Variants in RGS12 observed in about 807,000 individuals in gnomAD.
The protein encoded by RGS12 is regulator of G-protein signaling 12.
A neutral mutation model predicts 120.1 loss-of-function variants in RGS12; 66 were observed. That is an observed-to-expected ratio of 0.55 (90% confidence interval 0.45 to 0.67). The LOEUF is 0.67. RGS12 is among the 30% of genes least tolerant of loss of function. The pLI is 0.00. For missense variants in RGS12, 1,859 were observed against 1,957.7 expected, an observed-to-expected ratio of 0.95 and a Z score of 0.95; for synonymous variants, 827 against 804.7, an observed-to-expected ratio of 1.03 and a Z score of -0.47.
Position 3,422,401 on chromosome 4 carries a change from C to A in RGS12, c.2864C>A (p.Pro955His). Residue 955 changes from proline to histidine, a missense_variant, in exon 11 of 18, where the codon CCC becomes CAC. Around this residue, in one of 3 missense-constraint regions of RGS12, gnomAD observed 375 missense variants for 475.0 expected, o/e 0.79. Transcript: ENST00000336727. The stretch of plus-strand genomic sequence containing the variant: ...TCGGAGGCCTGCAGGACTTTGGCAC[C>A]CGAGAAGGACAAGGCCACCAAGCAC... The part of the protein sequence containing the change: ...DLSEACRTLA[P>H]EKDKATKHCC... The A allele has an allele frequency of 6.2e-7, 1 of 1,612,446 alleles. No homozygotes were observed. Among genetic ancestry groups the A allele is most frequent in the Non-Finnish European group, 8.5e-7 (1 of 1,179,658 alleles).
chr4:3,290,771 G>A (rs1322890388), upstream of RGS12, among the ~76,000 whole-genome samples: 1 of 152,176 alleles, frequency 6.6e-6, no homozygotes, highest in Non-Finnish European at 1.5e-5. Flanking sequence ...AAGCCTACAG[G>A]AGGAGAACCA....
At chr4:3,387,804 C>T (rs1719010150) in intron 4 of RGS12, among the ~76,000 whole-genome samples, 2 of 152,176 alleles carry the variant, frequency 1.3e-5, no homozygotes, top group African/African-American at 4.8e-5. Flanking sequence ...TTCTTGCAGG[C>T]AATTTATACA....
chr4:3,293,315 CGGGGCG>C lies in RGS12; in HGVS notation c.-102+231_-102+236del, dbSNP rs1162053907. 2.4e-3 allele frequency among the ~76,000 whole-genome samples: 333 copies of C among 136,414 alleles called. 1 individual carries two copies. Among genetic ancestry groups the C allele is most frequent in the African/African-American group, 5.8e-3 (212 of 36,268 alleles). The allele number at this position is 136,414 out of a possible 152,430, so 89.5% of individuals were successfully genotyped here. On this transcript the variant is annotated intron_variant, in intron 1 of 17. Coordinates refer to ENST00000336727, the MANE Select transcript of RGS12 (RefSeq NM_001394154.1). ...GTCCCGGGCCCGGCGCGGGGCGGGG[CGGGGCG>C]GGGGCGGGGGCGGGCGGCGCGGGGC...
chr4:3,309,361 G>C (rs11935433), intron 1 of RGS12, among the ~76,000 whole-genome samples: 1,926 of 136,702 alleles, frequency 0.014, 4 homozygotes, highest in African/African-American at 0.053. Flanking sequence ...GCAGGTGTCC[G>C]CTGAGGGGAA....
chr4:3,305,499 G>T (rs1322377865), intron 1 of RGS12, among the ~76,000 whole-genome samples: 1 of 152,222 alleles, frequency 6.6e-6, no homozygotes, highest in Non-Finnish European at 1.5e-5. Flanking sequence ...AGCTCCTGGG[G>T]TGCACGGTAC....
At chr4:3,324,156 T>G (rs1725399733) in intron 2 of RGS12, 1 of 152,838 alleles carries the variant, frequency 6.5e-6, no homozygotes, top group Non-Finnish European at 1.5e-5. Context: ...TTAACCTGTG[T>G]GAAGGCGACA....
chr4:3,371,816 G>A (rs1432319544), intron 3 of RGS12, among the ~76,000 whole-genome samples: 1 of 152,204 alleles, frequency 6.6e-6, no homozygotes, highest in Admixed American at 6.5e-5. Context: ...GGAATGCTGG[G>A]GTGCCGCCGT....
intron 4 of RGS12, among the ~76,000 whole-genome samples, chr4:3,395,722 G>A (rs1420946059): frequency 6.6e-6 from 1 of 152,002 alleles, no homozygotes; most frequent in Non-Finnish European, 1.5e-5. Context: ...ATCTTATTTT[G>A]TGAAGTGCTT....
intron 15 of RGS12, 152 bp downstream of exon 15, chr4:3,428,321 GC>G: frequency 2.4e-6 from 2 of 844,702 alleles, no homozygotes; most frequent in Non-Finnish European, 2.0e-6. Flanking sequence ...CCCTGCCGAT[GC>G]CCAGCTCCCT....
chr4:3,296,482 G>A (rs1420248452), intron 1 of RGS12, among the ~76,000 whole-genome samples: 5 of 152,030 alleles, frequency 3.3e-5, no homozygotes, highest in Non-Finnish European at 1.5e-5. Context: ...GAGCCACCGC[G>A]CCTAGCTTCT....
At chr4:3,303,776 C>T (rs542754959) in intron 1 of RGS12, among the ~76,000 whole-genome samples, 2 of 152,368 alleles carry the variant, frequency 1.3e-5, no homozygotes, top group African/African-American at 2.4e-5. Context: ...ACAACTATTT[C>T]TTCAACTTTA....
chr4:3,429,942 G>A (rs1377475984), intron 16 of RGS12, among the ~76,000 whole-genome samples: 2 of 152,108 alleles, frequency 1.3e-5, no homozygotes, highest in African/African-American at 2.4e-5. Context: ...ACCCCTCCTC[G>A]GGTTCATTCT....
At chr4:3,294,105 G>C (rs1253446212) in intron 1 of RGS12, among the ~76,000 whole-genome samples, 3 of 152,256 alleles carry the variant, frequency 2.0e-5, no homozygotes, top group African/African-American at 7.2e-5. Context: ...CTCTGTGCCT[G>C]AGTTTCCTCA....
rs986007365 is a variant in RGS12, at chr4:3,343,041, T to A, written c.1986T>A (p.Leu662=). 1 of 1,603,930 alleles carries A rather than the reference T, an allele frequency of 6.2e-7. No homozygotes were observed. The highest frequency in any genetic ancestry group is 1.7e-5 in the Admixed American group (1 of 59,878). The change falls in exon 3 of 18, where the codon CTT becomes CTA. Residue 662 remains leucine, a synonymous_variant. Coordinates refer to ENST00000336727, the MANE Select transcript of RGS12 (RefSeq NM_001394154.1). Reference sequence around the variant, plus strand: ...AGAGATTCAGTATCACTCGCTCCCTTGATGATCTTGAGGTAATTTAATTTT... The same window carrying A: ...AGAGATTCAGTATCACTCGCTCCCTAGATGATCTTGAGGTAATTTAATTTT... ...RSKRFSITRS[L]DDLESATVSD...
chr4:3,343,648 G>T (rs929843121), intron 3 of RGS12, among the ~76,000 whole-genome samples: 1 of 151,980 alleles, frequency 6.6e-6, no homozygotes, highest in East Asian at 1.9e-4. Flanking sequence ...GTTCCTGCCC[G>T]TGCTGTCCTC....
chr4:3,311,877 G>A (rs1259865203), intron 1 of RGS12, among the ~76,000 whole-genome samples: 1 of 152,240 alleles, frequency 6.6e-6, no homozygotes, highest in African/African-American at 2.4e-5. Flanking sequence ...CCTGATGGGA[G>A]GTGGCAGTGC....
Position 3,386,438 on chromosome 4 carries a change from G to C in RGS12, c.2020+1G>C. 1 of 1,609,568 alleles carries C rather than the reference G, an allele frequency of 6.2e-7. No homozygotes were observed. Among genetic ancestry groups the C allele is most frequent in the Non-Finnish European group, 8.5e-7 (1 of 1,176,050 alleles). On this transcript the variant is annotated splice_donor_variant, in intron 4 of 17. Coordinates refer to ENST00000336727, the MANE Select transcript of RGS12 (RefSeq NM_001394154.1). LOFTEE classifies it high-confidence loss of function. ...CAGTCTGCAACTGTGTCTGATGGCG[G>C]TAAGTCACAATTTCTGATGTATATA... is the stretch of plus-strand genomic sequence containing the variant.
In RGS12 at chr4:3,420,623, CTG is replaced by C. The variant is rs1380937872; in HGVS notation, c.2762-15_2762-14del. ...ACAGGGTTCTGATTGACGTGAGTCACTGTGTTTCCCCTGTCAAGACGCCCTGC... is the reference window on the plus strand; with the variant it reads ...ACAGGGTTCTGATTGACGTGAGTCACTGTTTCCCCTGTCAAGACGCCCTGC... On this transcript the variant is annotated splice_polypyrimidine_tract_variant and intron_variant, in intron 9 of 17. Coordinates refer to ENST00000336727, the MANE Select transcript of RGS12 (RefSeq NM_001394154.1). 1.2e-6 allele frequency: 2 copies of C among 1,613,026 alleles called. No homozygotes were observed. Among genetic ancestry groups the C allele is most frequent in the Admixed American group, 1.7e-5 (1 of 60,022 alleles).
rs753012845 is a variant in RGS12 at position 3,430,393 on chromosome 4, T to C, written c.3566-14T>C. 27 of 1,601,280 alleles carry C rather than the reference T, an allele frequency of 1.7e-5. No homozygotes were observed. The highest frequency in any genetic ancestry group is 2.1e-5 in the Non-Finnish European group (25 of 1,172,352). ...CTCTCTAAAACACGGTCACTCTGGG[T>C]TTTCTTCCAATAGAGTTTTTTGAGC... On this transcript the variant is annotated splice_polypyrimidine_tract_variant and intron_variant, in intron 16 of 17. Coordinates refer to ENST00000336727, the MANE Select transcript of RGS12 (RefSeq NM_001394154.1).
Sources: allele counts gnomAD v4.1 joint callset (sites outside exome capture counted in the v4.1 genomes callset), GRCh38; gene constraint gnomAD v4.1.1; regional missense constraint gnomAD v4.1.1; transcripts MANE v1.5; gene names NCBI Gene and HGNC (gene_info 2026-07-23, HGNC 2026-07-21).